Variants in NRXN3 observed in about 807,000 individuals in gnomAD.
The protein encoded by NRXN3 is neurexin III.
A neutral mutation model predicts 137.6 loss-of-function variants in NRXN3; 32 were observed. That is an observed-to-expected ratio of 0.23 (90% CI 0.18 to 0.31). The LOEUF is 0.31. NRXN3 is among the 10% of genes least tolerant of loss of function. The probability of loss-of-function intolerance (pLI) is 1.00; values close to 1 mark genes in which losing one functional copy is unlikely to be tolerated. For missense variants in NRXN3, 1,574 were observed against 2,062.5 expected (o/e 0.76, Z 4.59); for synonymous variants, 798 against 784.5 (o/e 1.02, Z -0.29).
chr14:79,663,686 C>T, intron 16 of NRXN3, 92 bp from the exon 17 acceptor site: 2 of 1,070,284 alleles, frequency 1.9e-6, no homozygotes, highest in South Asian at 1.5e-5. Flanking sequence ...CTCTGGGCAC[C>T]TACAGGTTTA....
chr14:78,723,886 T>G (rs1400236557), intron 8 of NRXN3, among the ~76,000 whole-genome samples: 1 of 152,180 alleles, frequency 6.6e-6, no homozygotes, highest in Non-Finnish European at 1.5e-5. Context: ...TTGAGAAGGT[T>G]GGACCATAAG....
Position 79,705,235 on chromosome 14 carries a change from C to T in NRXN3, c.4014+7298C>T, listed in dbSNP as rs1164390729. Reference sequence around the variant, plus strand: ...GTGGAGGTCCCTGAGTGTTTTTAAACCTCAGGGTGGTTTTTCTAATTACCT... The same window carrying T: ...GTGGAGGTCCCTGAGTGTTTTTAAATCTCAGGGTGGTTTTTCTAATTACCT... On this transcript the variant is annotated intron_variant, in intron 19 of 20. Transcript: ENST00000335750. 2.0e-5 allele frequency among the ~76,000 whole-genome samples: 3 copies of T among 152,054 alleles called. No individual in the cohort carries two copies. The East Asian group carries it at 5.8e-4, about 29-fold the overall frequency.
At chr14:79,350,489 T>C (rs2093151983) in intron 15 of NRXN3, among the ~76,000 whole-genome samples, 1 of 152,220 alleles carries the variant, frequency 6.6e-6, no homozygotes, top group East Asian at 1.9e-4. Context: ...CCAAAGGTGA[T>C]TTATCAGGCT....
intron 15 of NRXN3, among the ~76,000 whole-genome samples, chr14:79,259,853 C>T (rs561418217): frequency 6.6e-6 from 1 of 151,948 alleles, no homozygotes; most frequent in South Asian, 2.1e-4. Context: ...ACTGAACTAT[C>T]TTCAGTGCAT....
At chr14:78,975,458 G>A (rs2099461678) in intron 14 of NRXN3, among the ~76,000 whole-genome samples, 1 of 152,154 alleles carries the variant, frequency 6.6e-6, no homozygotes, top group Admixed American at 6.5e-5. Flanking sequence ...AAATGGGAGT[G>A]GTAGGATAGA....
chr14:79,241,373 C>A (rs547004032), intron 15 of NRXN3, among the ~76,000 whole-genome samples: 8 of 152,246 alleles, frequency 5.3e-5, no homozygotes, highest in Admixed American at 2.6e-4. Flanking sequence ...GAAAGAGGTC[C>A]AGTGGACTCA....
intron 8 of NRXN3, among the ~76,000 whole-genome samples, chr14:78,761,855 C>T (rs1002007610): frequency 6.6e-6 from 1 of 152,030 alleles, no homozygotes; most frequent in African/African-American, 2.4e-5. Flanking sequence ...GATGTAAGCC[C>T]TGGGAGAAAG....
chr14:79,516,384 T>C (rs2153696293), intron 16 of NRXN3, among the ~76,000 whole-genome samples: 1 of 151,948 alleles, frequency 6.6e-6, no homozygotes, highest in South Asian at 2.1e-4. Flanking sequence ...CACAAGAGAG[T>C]TTGTAAATAT....
chr14:79,064,061 A>G (rs2099677590), intron 15 of NRXN3, among the ~76,000 whole-genome samples: 1 of 152,208 alleles, frequency 6.6e-6, no homozygotes, highest in African/African-American at 2.4e-5. Flanking sequence ...TGAATTCCTA[A>G]ATAATTAAAC....
intron 10 of NRXN3, among the ~76,000 whole-genome samples, chr14:78,908,416 A>G (rs911254421): frequency 1.7e-4 from 26 of 152,096 alleles, no homozygotes; most frequent in Admixed American, 1.1e-3. Flanking sequence ...CTCACCAGTC[A>G]GCTTTTTCCA....
intron 4 of NRXN3, among the ~76,000 whole-genome samples, chr14:78,627,542 A>G (rs955522164): frequency 6.6e-6 from 1 of 152,216 alleles, no homozygotes; most frequent in African/African-American, 2.4e-5. Context: ...GGAAATGTGA[A>G]TCTGGATGAG....
chr14:79,629,057 C>G (rs536860444), intron 16 of NRXN3, among the ~76,000 whole-genome samples: 1 of 152,254 alleles, frequency 6.6e-6, no homozygotes, highest in East Asian at 1.9e-4. Flanking sequence ...AAAGTTTTTC[C>G]TCTGGAATTT....
intron 10 of NRXN3, among the ~76,000 whole-genome samples, chr14:78,892,774 CTGTGTGTGTGTGTG>C (rs58718552): frequency 1.1e-4 from 16 of 140,138 alleles, no homozygotes; most frequent in African/African-American, 1.6e-4. Context: ...CCCCCATCTT[CTGTGTGTGTGTGTG>C]TGTGTGTGTG....
intron 15 of NRXN3, among the ~76,000 whole-genome samples, chr14:79,400,825 G>A (rs936167071): frequency 6.6e-6 from 1 of 152,096 alleles, no homozygotes; most frequent in African/African-American, 2.4e-5. Flanking sequence ...TGTGAATTGG[G>A]CATGAATTAT....
chr14:78,807,455 G>A (rs1007521295), intron 9 of NRXN3, among the ~76,000 whole-genome samples: 2 of 152,046 alleles, frequency 1.3e-5, no homozygotes, highest in African/African-American at 4.8e-5. Flanking sequence ...TCTTGGCCAG[G>A]CACCTTAATC....
intron 15 of NRXN3, among the ~76,000 whole-genome samples, chr14:79,026,079 T>G (rs541150345): frequency 6.6e-6 from 1 of 152,242 alleles, no homozygotes; most frequent in Non-Finnish European, 1.5e-5. Context: ...GAAATTGAGT[T>G]TTGAGCTTTT....
chr14:79,727,617 T>A (rs2154069146), intron 19 of NRXN3, among the ~76,000 whole-genome samples: 1 of 152,148 alleles, frequency 6.6e-6, no homozygotes, highest in Non-Finnish European at 1.5e-5. Flanking sequence ...AAAAAAAAAA[T>A]TGGCCAGCCT....
At chr14:78,517,251 A>G (rs1375740987) in intron 4 of NRXN3, among the ~76,000 whole-genome samples, 2 of 152,110 alleles carry the variant, frequency 1.3e-5, no homozygotes, top group Non-Finnish European at 2.9e-5. Flanking sequence ...AATGAAAAGG[A>G]TGATTGAGCT....
intron 8 of NRXN3, among the ~76,000 whole-genome samples, chr14:78,759,074 AC>A (rs1229113986): frequency 6.6e-6 from 1 of 152,110 alleles, no homozygotes; most frequent in Non-Finnish European, 1.5e-5. Context: ...TCCTGACTTC[AC>A]CCACACCACA....
Sources: gnomAD v4.1 joint callset for allele counts (sites outside exome capture counted in the v4.1 genomes callset) on GRCh38, gnomAD v4.1.1 for gene constraint, MANE v1.5 for transcripts, NCBI Gene and HGNC (gene_info 2026-07-23, HGNC 2026-07-21) for gene names.